SSH2: variants seen among roughly 807,000 people sequenced by gnomAD.
SSH2 encodes the protein slingshot protein phosphatase 2.
SSH2 carries 37 observed loss-of-function variants against 135.2 expected under a neutral mutation model. The ratio of observed to expected loss-of-function variants is 0.27; its 90% CI spans 0.21 to 0.36. The LOEUF (loss-of-function observed/expected upper bound fraction) is 0.36, where lower values mean the gene tolerates loss of function less well. Ranked by LOEUF, SSH2 falls within the 10% of genes least tolerant of loss-of-function variation. The pLI, the probability that SSH2 is intolerant of heterozygous loss-of-function variation, is 1.00. For missense variants in SSH2, 1,408 were observed against 1,765.3 expected (o/e 0.80, Z 3.63); for synonymous variants, 628 against 646.2 (o/e 0.97, Z 0.43).
At chr17:29,646,344 T>C (rs1370633615) in intron 14 of SSH2, among the ~76,000 whole-genome samples, 2 of 152,208 alleles carry the variant, frequency 1.3e-5, no homozygotes, top group Non-Finnish European at 2.9e-5. Context: ...AGAGGTAGAC[T>C]ACAGAACAGT....
intron 3 of SSH2, among the ~76,000 whole-genome samples, chr17:29,724,540 A>C (rs535924126): frequency 1.3e-5 from 2 of 149,942 alleles, no homozygotes; most frequent in South Asian, 2.1e-4. Flanking sequence ...AAAAAAAAAA[A>C]AAAAAACAAA....
chr17:29,691,691 C>T (rs1260061040), intron 5 of SSH2, among the ~76,000 whole-genome samples: 4 of 151,560 alleles, frequency 2.6e-5, no homozygotes, highest in Admixed American at 6.6e-5. Flanking sequence ...GGGGTTTCGC[C>T]GTGTTAGCCA....
chr17:29,676,695 C>T (rs533951456), intron 8 of SSH2, 125 bp downstream of exon 8: 5 of 752,648 alleles, frequency 6.6e-6, no homozygotes, highest in South Asian at 3.3e-5. Context: ...TCTTTAACTA[C>T]GATGGTTATA....
rs1233216950 is a variant in SSH2, at chr17:29,636,048, C to G, written c.2182G>C (p.Ala728Pro). The G allele has an allele frequency of 3.7e-6, 6 of 1,614,090 alleles. No homozygotes were observed. Among genetic ancestry groups the G allele is most frequent in the Non-Finnish European group, 5.1e-6 (6 of 1,180,054 alleles). Residue 728 changes from alanine to proline, a missense_variant, in exon 15 of 16, where the codon GCT (alanine) becomes CCT (proline). Around this residue, in one of 3 missense-constraint regions of SSH2, gnomAD observed 1,080 missense variants for 1,144.5 expected, o/e 0.94. Coordinates refer to ENST00000540801, the MANE Select transcript of SSH2 (RefSeq NM_001282129.2). ...VVEVAPSKVT[A>P]DDQRSSSLSN... is the part of the protein sequence containing the mutation. ...AAAGAGCTGCTTCTCTGGTCATCAG[C>G]TGTCACTTTGGAAGGGGCTACTTCT...
At chr17:29,771,525 C>G (rs1440359774) in intron 3 of SSH2, among the ~76,000 whole-genome samples, 2 of 152,204 alleles carry the variant, frequency 1.3e-5, no homozygotes, top group Non-Finnish European at 2.9e-5. Context: ...AGCACTGCCT[C>G]ACTAAATAAG....
At chr17:29,684,462 G>T in intron 6 of SSH2, 101 bp downstream of exon 6, 2 of 1,156,952 alleles carry the variant, frequency 1.7e-6, no homozygotes, top group Non-Finnish European at 2.4e-6. Flanking sequence ...GGGCAACAGA[G>T]TGATGACACT....
intron 2 of SSH2, among the ~76,000 whole-genome samples, chr17:29,841,017 T>C (rs975344067): frequency 2.0e-5 from 3 of 152,150 alleles, no homozygotes; most frequent in Admixed American, 1.3e-4. Flanking sequence ...CTAAAAAGCA[T>C]AGCCTGATAG....
chr17:29,913,354 A>AAAAAAAAAT (rs1567650071), intron 1 of SSH2, among the ~76,000 whole-genome samples: 4 of 51,294 alleles, frequency 7.8e-5, no homozygotes, highest in Non-Finnish European at 1.6e-4. Context: ...AAAAATATAT[A>AAAAAAAAAT]TATATATATA....
At chr17:29,831,173 C>T (rs934434878) in intron 2 of SSH2, among the ~76,000 whole-genome samples, 1 of 152,074 alleles carries the variant, frequency 6.6e-6, no homozygotes, top group Non-Finnish European at 1.5e-5. Flanking sequence ...GGGTCTGCTA[C>T]TGTTAAAGAA....
chr17:29,655,827 T>C (rs1343103847), intron 11 of SSH2, among the ~76,000 whole-genome samples: 1 of 152,152 alleles, frequency 6.6e-6, no homozygotes, highest in Non-Finnish European at 1.5e-5. Context: ...AAAAACCAAC[T>C]CATAGAATTC....
At chr17:29,805,319 T>C (rs959809057) in intron 2 of SSH2, among the ~76,000 whole-genome samples, 4 of 151,698 alleles carry the variant, frequency 2.6e-5, no homozygotes, top group Non-Finnish European at 5.9e-5. Flanking sequence ...CACGCCCGGC[T>C]AATTTTTTGT....
chr17:29,925,280 T>C (rs963735142), intron 1 of SSH2: 1 of 372,052 alleles, frequency 2.7e-6, no homozygotes, highest in African/African-American at 2.1e-5. Flanking sequence ...ATTCAGAAAA[T>C]TCACACCAGA....
At chr17:29,790,178 T>C (rs529318930) in intron 3 of SSH2, among the ~76,000 whole-genome samples, 1 of 152,314 alleles carries the variant, frequency 6.6e-6, no homozygotes, top group African/African-American at 2.4e-5. Flanking sequence ...TGCCCCCTGC[T>C]AATTCATATG....
chr17:29,769,291 T>A (rs370920576), intron 3 of SSH2, among the ~76,000 whole-genome samples: 51 of 152,234 alleles, frequency 3.4e-4, no homozygotes, highest in African/African-American at 1.2e-3. Flanking sequence ...ACTGAAAAGG[T>A]CTATTGCCAA....
intron 11 of SSH2, among the ~76,000 whole-genome samples, chr17:29,666,637 C>T (rs1035908491): frequency 6.6e-5 from 10 of 151,766 alleles, no homozygotes; most frequent in East Asian, 3.9e-4. Flanking sequence ...GAGACGAGAT[C>T]GTGCCACCGC....
At chr17:29,660,024 T>G (rs2036962366) in intron 11 of SSH2, among the ~76,000 whole-genome samples, 1 of 150,554 alleles carries the variant, frequency 6.6e-6, no homozygotes, top group Non-Finnish European at 1.5e-5. Flanking sequence ...AGAGATGGGT[T>G]TCACCATGTT....
chr17:29,926,553 CA>C (rs577944888), intron 1 of SSH2, among the ~76,000 whole-genome samples: 10,072 of 105,418 alleles, frequency 0.096, 470 homozygotes, highest in African/African-American at 0.19. Flanking sequence ...GACCTTGTCT[CA>C]AAAAAAAAAA....
chr17:29,682,310 T>C (rs917625806), intron 6 of SSH2, among the ~76,000 whole-genome samples: 22 of 152,114 alleles, frequency 1.4e-4, no homozygotes, highest in African/African-American at 5.1e-4. Flanking sequence ...CAGGGAGAAC[T>C]GAACAAAGGA....
chr17:29,657,175 C>G (rs1201478598), intron 11 of SSH2, among the ~76,000 whole-genome samples: 1 of 152,048 alleles, frequency 6.6e-6, no homozygotes, highest in East Asian at 1.9e-4. Flanking sequence ...CCATGTTGCC[C>G]AGGCTGGTCT....
Sources: allele counts gnomAD v4.1 joint callset (sites outside exome capture counted in the v4.1 genomes callset), GRCh38; gene constraint gnomAD v4.1.1; regional missense constraint gnomAD v4.1.1; transcripts MANE v1.5; gene names NCBI Gene and HGNC (gene_info 2026-07-23, HGNC 2026-07-21).